The following PNPLA8 variants were observed in gnomAD, a reference collection of about 807,000 sequenced individuals.
PNPLA8 encodes the protein calcium-independent phospholipase A2-gamma.
Under a neutral mutation model 76.9 loss-of-function variants are expected in PNPLA8, and 39 were observed. The ratio of observed to expected loss-of-function variants is 0.51; its 90% confidence interval spans 0.39 to 0.66. The LOEUF (loss-of-function observed/expected upper bound fraction) is 0.66, where lower values mean the gene tolerates loss of function less well. Ranked by LOEUF, PNPLA8 falls within the 30% of genes least tolerant of loss-of-function variation. The pLI is 0.00. For synonymous variants in PNPLA8, 301 were observed against 307.9 expected (o/e 0.98, Z 0.24); for missense variants, 887 against 918.0 (o/e 0.97, Z 0.44).
In PNPLA8 at chr7:108,472,063, G is replaced by C. The variant is rs1420228046; in HGVS notation, c.*338C>G. 1 of 168,494 alleles carries C rather than the reference G, an allele frequency of 5.9e-6. No individual in the cohort carries two copies. Among genetic ancestry groups the C allele is most frequent in the Admixed American group, 6.3e-5 (1 of 15,940 alleles). The allele number at this position is 168,494 out of a possible 1,614,324, so 10.4% of individuals were successfully genotyped here. On this transcript the variant is annotated 3_prime_UTR_variant, in exon 11 of 11. Coordinates refer to ENST00000257694, the MANE Select transcript of PNPLA8 (RefSeq NM_001256007.3). ...ATGAGGACTAAAGTAAAAATACACA[G>C]TACAATATAGCTTTCGGTTTCTTGT...
At chr7:108,494,633 T>C (rs1182041883) in intron 7 of PNPLA8, among the ~76,000 whole-genome samples, 1 of 152,212 alleles carries the variant, frequency 6.6e-6, no homozygotes. Flanking sequence ...CTAGGTTGAT[T>C]CCATGTATCT....
intron 8 of PNPLA8, among the ~76,000 whole-genome samples, chr7:108,489,649 A>G (rs1192150331): frequency 6.6e-6 from 1 of 152,218 alleles, no homozygotes; most frequent in Non-Finnish European, 1.5e-5. Context: ...CCACAAATGA[A>G]TCCAAAGTGC....
chr7:108,503,778 A>T (rs1862133456), intron 4 of PNPLA8, among the ~76,000 whole-genome samples: 1 of 152,208 alleles, frequency 6.6e-6, no homozygotes. Flanking sequence ...TAAAGGACCA[A>T]AAAAGTGAGT....
intron 9 of PNPLA8, among the ~76,000 whole-genome samples, chr7:108,480,336 C>G (rs1598872708): frequency 6.6e-6 from 1 of 152,314 alleles, no homozygotes; most frequent in Non-Finnish European, 1.5e-5. Flanking sequence ...CCACTGCACT[C>G]TAGCCTGGGC....
chr7:108,493,568 C>CTTTTTTTTTTTTT lies in PNPLA8; in HGVS notation c.1626-2114_1626-2102dup, dbSNP rs34935118. On this transcript the variant is annotated intron_variant, in intron 7 of 10. Transcript: ENST00000257694. ...TACAGGCGCCCGCCCCCATGCCTGG[C>CTTTTTTTTTTTTT]TTTTTTTTTTTTTTTTTTTTTTTTT... 1.6e-3 allele frequency among the ~76,000 whole-genome samples: 132 copies of CTTTTTTTTTTTTT among 81,216 alleles called. 1 individual carries two copies. The highest frequency in any genetic ancestry group is 2.2e-3 in the South Asian group (4 of 1,820). The allele number at this position is 81,216 out of a possible 152,430, so 53.3% of individuals were successfully genotyped here. A position where few individuals can be genotyped will look rare whatever the true frequency, so the allele number is the denominator to read the frequency against.
chr7:108,481,015 T>C (rs1193205426), intron 9 of PNPLA8, among the ~76,000 whole-genome samples: 1 of 152,214 alleles, frequency 6.6e-6, no homozygotes, highest in Non-Finnish European at 1.5e-5. Flanking sequence ...TCTGAGCATG[T>C]CATCGAGACT....
At chr7:108,494,741 T>C (rs1008942536) in intron 7 of PNPLA8, among the ~76,000 whole-genome samples, 1 of 152,132 alleles carries the variant, frequency 6.6e-6, no homozygotes, top group Non-Finnish European at 1.5e-5. Context: ...AGTAGGATTG[T>C]AGAAAAGACT....
chr7:108,470,936 C>T lies in PNPLA8; in HGVS notation c.*1465G>A, dbSNP rs1211905102. 6.6e-6 allele frequency: 1 copy of T among 152,220 alleles called. No homozygotes were observed. The highest frequency in any genetic ancestry group is 1.5e-5 in the Non-Finnish European group (1 of 68,048). 9.4% of individuals were successfully genotyped at this position (152,220 alleles called of 1,614,324 possible). ...CGACTCCACTCTTTGAACCACATCTCACAGCCTCTGTGAATTGATATTGCA... is the reference window on the plus strand; with the variant it reads ...CGACTCCACTCTTTGAACCACATCTTACAGCCTCTGTGAATTGATATTGCA... On this transcript the variant is annotated 3_prime_UTR_variant, in exon 11 of 11. Coordinates refer to ENST00000257694, the MANE Select transcript of PNPLA8 (RefSeq NM_001256007.3).
At chr7:108,479,727 C>T (rs1860261515) in intron 9 of PNPLA8, among the ~76,000 whole-genome samples, 1 of 152,176 alleles carries the variant, frequency 6.6e-6, no homozygotes, top group Non-Finnish European at 1.5e-5. Flanking sequence ...AACTGTGGTT[C>T]TACCAAACAA....
rs1180314552 is a variant in PNPLA8, at chr7:108,496,673, A to G, written c.1536T>C (p.Asp512=). The change falls in exon 7 of 11, where the codon GAT becomes GAC. Residue 512 remains aspartate, a synonymous_variant. Transcript: ENST00000257694. ...CEELYRKLGS[D]VFSQNVIVGT... is the part of the protein sequence containing the mutation. ...CAACAATGACATTTTGTGAAAATAC[A>G]TCTGATCCTAATTTTCGATAAAGTT... 2 of 1,612,170 alleles carry G rather than the reference A, an allele frequency of 1.2e-6. No homozygotes were observed. The highest frequency in any genetic ancestry group is 2.7e-5 in the African/African-American group (2 of 74,868).
In PNPLA8 at chr7:108,470,895, T is replaced by A. The variant is rs1434877729; in HGVS notation, c.*1506A>T. ...AAGGGTTCTTGCAGCAAAGGCAGGATTAGCATCCAGACTCTCGACTCCACT... is the reference window on the plus strand; with the variant it reads ...AAGGGTTCTTGCAGCAAAGGCAGGAATAGCATCCAGACTCTCGACTCCACT... On this transcript the variant is annotated 3_prime_UTR_variant, in exon 11 of 11. Transcript: ENST00000257694. 1.3e-5 allele frequency: 2 copies of A among 152,194 alleles called. No individual in the cohort carries two copies. Among genetic ancestry groups the A allele is most frequent in the Non-Finnish European group, 2.9e-5 (2 of 68,040 alleles). 9.4% of individuals were successfully genotyped at this position (152,194 alleles called of 1,614,324 possible).
Position 108,471,352 on chromosome 7 carries a change from C to CTA in PNPLA8, c.*1047_*1048dup, listed in dbSNP as rs1291332553. 6.6e-6 allele frequency: 1 copy of CTA among 151,652 alleles called. No individual in the cohort carries two copies. Among genetic ancestry groups the CTA allele is most frequent in the East Asian group, 1.9e-4 (1 of 5,156 alleles). The allele number at this position is 151,652 out of a possible 1,614,324, so 9.4% of individuals were successfully genotyped here. A position where few individuals can be genotyped will look rare whatever the true frequency, so the allele number is the denominator to read the frequency against. ...GCCTTAGCCTCCCGAGTAGCTGGGA[C>CTA]TATAGGTGTGCACCACCATGCCGGG... On this transcript the variant is annotated 3_prime_UTR_variant, in exon 11 of 11. Transcript: ENST00000257694.
At position 108,472,404 on chromosome 7, in the gene PNPLA8, C is replaced by T. The variant is rs1183805087; in HGVS notation, c.2346G>A (p.Leu782=). Residue 782 remains leucine (L), a synonymous_variant, in exon 11 of 11, where the codon TTG becomes TTA. Transcript: ENST00000257694. Reference sequence around the variant, plus strand: ...TGAGAACATAAGCATATACTCATCACAATTTTGAAAAGAATGGAAGTCCTT... The same window carrying T: ...TGAGAACATAAGCATATACTCATCATAATTTTGAAAAGAATGGAAGTCCTT... ...MYEGLPFFSK[L] The T allele has an allele frequency of 6.4e-7, 1 of 1,559,438 alleles. No individual in the cohort carries two copies.
Position 108,514,623 on chromosome 7 carries a change from A to T in PNPLA8, c.869T>A (p.Phe290Tyr). Residue 290 changes from phenylalanine (F) to tyrosine (Y), a missense_variant, in exon 3 of 11, where the codon TTT (phenylalanine) becomes TAT (tyrosine). Coordinates refer to ENST00000257694, the MANE Select transcript of PNPLA8 (RefSeq NM_001256007.3). ...QVSTKQSIANFLSRPTEGVQA... is the reference protein window; with the variant it reads ...QVSTKQSIANYLSRPTEGVQA... ...TACACCTTCCGTGGGACGAGAAAGA[A>T]AGTTAGCAATACTTTGTTTAGTTGA... The T allele has an allele frequency of 6.2e-7, 1 of 1,614,090 alleles. No individual in the cohort carries two copies. The highest frequency in any genetic ancestry group is 1.1e-5 in the South Asian group (1 of 91,066).
Position 108,495,540 on chromosome 7 carries a change from T to C in PNPLA8, c.1625+1044A>G, listed in dbSNP as rs1193007908. Among the ~76,000 whole-genome samples the C allele has an allele frequency of 2.0e-5, 3 of 152,162 alleles. No individual in the cohort carries two copies. The South Asian group carries it at 6.2e-4, about 31-fold the overall frequency. On this transcript the variant is annotated intron_variant, in intron 7 of 10. Transcript: ENST00000257694. ...AATAGTGCTTTTGTTCTTAGTGGGA[T>C]TATAAATTATTTTTATTGTTTTCTC...
chr7:108,501,945 T>C (rs944766661), intron 5 of PNPLA8, among the ~76,000 whole-genome samples: 1 of 152,070 alleles, frequency 6.6e-6, no homozygotes, highest in Admixed American at 6.6e-5. Context: ...TATAAAAATA[T>C]AAATACTAAA....
intron 4 of PNPLA8, among the ~76,000 whole-genome samples, chr7:108,506,975 C>A (rs1313487044): frequency 6.6e-6 from 1 of 151,634 alleles, no homozygotes; most frequent in Non-Finnish European, 1.5e-5. Flanking sequence ...TTTAATAAAC[C>A]CAAAGGATGT....
In PNPLA8 at chr7:108,485,467, T is replaced by C. The variant is rs760169807; in HGVS notation, c.1878+2292A>G. Among the ~76,000 whole-genome samples, 12 of 152,258 alleles carry C rather than the reference T, an allele frequency of 7.9e-5. No homozygotes were observed. In the South Asian group the frequency reaches 1.2e-3, roughly 16 times the overall value. On this transcript the variant is annotated intron_variant, in intron 9 of 10. Transcript: ENST00000257694. ...CTCAAATAGAATATTAATTAACCTC[T>C]ACTACAATGGATACCAAGTAACTAC... is the stretch of plus-strand genomic sequence containing the variant.
In PNPLA8 at chr7:108,476,626, C is replaced by T. The variant is rs548449524; in HGVS notation, c.2074+2558G>A. Reference sequence around the variant, plus strand: ...AGAACTACCATATGATCCAGCAATCCCACTCCGGGTATATGTCCGAAGGAA... The same window carrying T: ...AGAACTACCATATGATCCAGCAATCTCACTCCGGGTATATGTCCGAAGGAA... On this transcript the variant is annotated intron_variant, in intron 10 of 10. Transcript: ENST00000257694. Among the ~76,000 whole-genome samples the T allele has an allele frequency of 1.4e-4, 22 of 152,138 alleles. 1 individual carries two copies. Among genetic ancestry groups the T allele is most frequent in the Non-Finnish European group, 2.8e-4 (19 of 68,026 alleles).
Sources: gnomAD v4.1 joint callset for allele counts (sites outside exome capture counted in the v4.1 genomes callset) on GRCh38, gnomAD v4.1.1 for gene constraint, MANE v1.5 for transcripts, NCBI Gene and HGNC (gene_info 2026-07-23, HGNC 2026-07-21) for gene names.